The following ATP8B3 variants were observed in gnomAD, a reference collection of about 807,000 sequenced individuals.
ATP8B3 encodes phospholipid-transporting ATPase IK.
Under a neutral mutation model 140.9 loss-of-function variants are expected in ATP8B3, and 141 were observed. That is an observed-to-expected ratio of 1.00 (90% CI 0.87 to 1.15). The LOEUF is 1.15. Among genes scored for constraint, ATP8B3 ranks in the 50% most tolerant of loss-of-function variants. The pLI, the probability that ATP8B3 is intolerant of heterozygous loss-of-function variation, is 0.00. For synonymous variants in ATP8B3, 765 were observed against 714.6 expected (o/e 1.07, Z -1.13); for missense variants, 1,874 against 1,740.6 (o/e 1.08, Z -1.36).
intron 23 of ATP8B3, 82 bp from the exon 24 acceptor site, chr19:1,789,202 C>G: frequency 1.2e-6 from 1 of 812,830 alleles, no homozygotes; most frequent in East Asian, 3.5e-5. Flanking sequence ...TGTTCTGCCC[C>G]CTATCAGCCC....
chr19:1,789,863 C>G (rs1304025328), intron 22 of ATP8B3, 27 bp downstream of exon 22: 1 of 1,609,052 alleles, frequency 6.2e-7, no homozygotes, highest in Non-Finnish European at 8.5e-7. Context: ...CGCCGGGACC[C>G]CGCCGTCCAC....
chr19:1,789,565 G>C lies in ATP8B3; in HGVS notation c.2641C>G (p.Pro881Ala). ...CGGCGGGCTCTGGAGTCCTGGGCTG[G>C]CGGTGCAGCCAGCGGGAGCCCGAAC... ...RRFGLPLAAPPAQDSRARRSS... is the reference protein window; with the variant it reads ...RRFGLPLAAPAAQDSRARRSS... The change falls in exon 23 of 29, where the codon CCA (proline) becomes GCA (alanine). Residue 881 changes from proline (P) to alanine (A), a missense_variant. Pro to Ala is a conservative substitution (Grantham distance 27, BLOSUM62 -1). Coordinates refer to ENST00000310127, the MANE Select transcript of ATP8B3 (RefSeq NM_138813.4). 6.3e-7 allele frequency: 1 copy of C among 1,594,824 alleles called. No individual in the cohort carries two copies. The highest frequency in any genetic ancestry group is 1.1e-5 in the South Asian group (1 of 89,944).
intron 10 of ATP8B3, among the ~76,000 whole-genome samples, chr19:1,804,616 A>G (rs7409378): frequency 0.01 from 1,516 of 151,462 alleles, 51 homozygotes; most frequent in East Asian, 0.058. Flanking sequence ...TCAAAAAAAA[A>G]AAAGAAAAAA....
chr19:1,787,240 A>G, intron 24 of ATP8B3, 54 bp from the exon 25 acceptor site: 3 of 1,468,786 alleles, frequency 2.0e-6, no homozygotes, highest in South Asian at 1.2e-5. Context: ...GCACCCAAGG[A>G]GCCTGCCAAG....
chr19:1,785,811 T>A (rs1054796397), intron 25 of ATP8B3, 103 bp from the exon 26 acceptor site: 33 of 1,267,956 alleles, frequency 2.6e-5, no homozygotes, highest in Non-Finnish European at 3.3e-5. Flanking sequence ...ACTCTCTGTG[T>A]GTGGCTCTTT....
intron 11 of ATP8B3, 84 bp from the exon 12 acceptor site, chr19:1,802,128 C>G: frequency 1.1e-6 from 1 of 949,586 alleles, no homozygotes; most frequent in Non-Finnish European, 1.5e-6. Context: ...CACCCACTCC[C>G]CCACTCATCC....
rs753740916 is a variant in ATP8B3 at position 1,789,999 on chromosome 19, G to A, written c.2379-10C>T. 1 of 1,601,204 alleles carries A rather than the reference G, an allele frequency of 6.2e-7. No individual in the cohort carries two copies. Among genetic ancestry groups the A allele is most frequent in the Non-Finnish European group, 8.5e-7 (1 of 1,170,680 alleles). ...GGTCTCCAGGATGCGGCTGCGGGGC[G>A]CAGGGGTCAGCGGGGCAGGGGAGGG... On this transcript the variant is annotated splice_polypyrimidine_tract_variant and intron_variant, in intron 21 of 28. Transcript: ENST00000310127.
Position 1,804,894 on chromosome 19 carries a change from C to T in ATP8B3, c.904+480G>A, listed in dbSNP as rs115004759. 6.2e-3 allele frequency among the ~76,000 whole-genome samples: 949 copies of T among 152,360 alleles called. 13 individuals are homozygous for T. The highest frequency in any genetic ancestry group is 0.022 in the African/African-American group (894 of 41,576). On this transcript the variant is annotated intron_variant, in intron 10 of 28. Coordinates refer to ENST00000310127, the MANE Select transcript of ATP8B3 (RefSeq NM_138813.4). ...GCCTTCCCACCACAGGAATTGCCAG[C>T]CCATGCACGCAGGTGCCTTTTCAAT...
chr19:1,806,928 C>T lies in ATP8B3; in HGVS notation c.616-239G>A, dbSNP rs578055637. On this transcript the variant is annotated intron_variant, in intron 6 of 28. Transcript: ENST00000310127. This position sits in a 1 kb window ranked among gnomAD's most constrained non-coding sequence, Gnocchi z 5.6. ...CTAGAGTGCCTGCCAGACCACCCCC[C>T]ACCAAAGCTCAATGGCCCCAAAACC... Among the ~76,000 whole-genome samples, 15 of 152,268 alleles carry T rather than the reference C, an allele frequency of 9.9e-5. No individual in the cohort carries two copies. The East Asian group carries it at 2.9e-3, about 29-fold the overall frequency.
intron 19 of ATP8B3, 64 bp from the exon 20 acceptor site, chr19:1,791,925 C>T (rs756922443): frequency 4.1e-5 from 66 of 1,595,880 alleles, no homozygotes; most frequent in Non-Finnish European, 5.1e-5. Context: ...CTGGCGGGGG[C>T]AGGAGAGTCC....
intron 14 of ATP8B3, chr19:1,799,465 GAA>G (rs532925512): frequency 3.9e-3 from 551 of 143,106 alleles, no homozygotes; most frequent in East Asian, 5.5e-3. Flanking sequence ...GTCTCAGAGA[GAA>G]AAAAAAAAAA....
chr19:1,810,511 G>C (rs1343718086), intron 3 of ATP8B3, 111 bp downstream of exon 3: 1 of 1,076,616 alleles, frequency 9.3e-7, no homozygotes, highest in African/African-American at 1.6e-5. Flanking sequence ...TGATCCACCC[G>C]CCTCAGCCTC....
rs1393918165 is a variant in ATP8B3, at chr19:1,791,625, T to G, written c.2302+125A>C. 3 of 704,986 alleles carry G rather than the reference T, an allele frequency of 4.3e-6. No homozygotes were observed. The African/African-American group carries it at 5.3e-5, about 13-fold the overall frequency. 43.7% of individuals were successfully genotyped at this position (704,986 alleles called of 1,614,324 possible). A position where few individuals can be genotyped will look rare whatever the true frequency, so the allele number is the denominator to read the frequency against. On this transcript the variant is annotated intron_variant, in intron 20 of 28. Coordinates refer to ENST00000310127, the MANE Select transcript of ATP8B3 (RefSeq NM_138813.4). ...CCCTGCTGGTCTCGAACTTCTGACC[T>G]CAAGTGATCCGCCCGCCTCGGCCTC...
chr19:1,800,787 C>T lies in ATP8B3; in HGVS notation c.1153-338G>A, dbSNP rs2068823299. Among the ~76,000 whole-genome samples, 1 of 152,158 alleles carries T rather than the reference C, an allele frequency of 6.6e-6. No homozygotes were observed. Among genetic ancestry groups the T allele is most frequent in the African/African-American group, 2.4e-5 (1 of 41,534 alleles). ...GAGATATCATGGCGCCACTGCACTC[C>T]ATCCTGGGCAATAGAGTGAGATAGA... On this transcript the variant is annotated intron_variant, in intron 12 of 28. Coordinates refer to ENST00000310127, the MANE Select transcript of ATP8B3 (RefSeq NM_138813.4). This position sits in a 1 kb window ranked among gnomAD's most constrained non-coding sequence, Gnocchi z 4.4.
chr19:1,793,121 C>G (rs2068566854), intron 18 of ATP8B3, among the ~76,000 whole-genome samples: 1 of 148,542 alleles, frequency 6.7e-6, no homozygotes, highest in Non-Finnish European at 1.5e-5. Context: ...GATAGGGTCT[C>G]ACTTTGTCAC....
Position 1,789,688 on chromosome 19 carries a change from G to A in ATP8B3, c.2518C>T (p.Leu840=). 6.3e-7 allele frequency: 1 copy of A among 1,593,108 alleles called. No individual in the cohort carries two copies. The highest frequency in any genetic ancestry group is 2.2e-5 in the East Asian group (1 of 44,604). Residue 840 remains leucine, a synonymous_variant, in exon 23 of 29, where the codon CTG becomes TTG. Transcript: ENST00000310127. ...LVSLRKEPRA[L]AQNVNMDEAW... ...TCGTCCATGTTCACGTTCTGCGCCA[G>A]GGCGCGCGGCTCCTTCCGCAGGGAC...
chr19:1,800,452 G>A lies in ATP8B3; in HGVS notation c.1153-3C>T, dbSNP rs777197230. The stretch of plus-strand genomic sequence containing the variant: ...ACAAGCACCACGGAGATGAAGATCT[G>A]GAAGGCAGACGCGACAGGGTGGGTG... On this transcript the variant is annotated splice_region_variant and splice_polypyrimidine_tract_variant and intron_variant, in intron 12 of 28. Transcript: ENST00000310127. This position sits in a 1 kb window ranked among gnomAD's most constrained non-coding sequence, Gnocchi z 4.4. The A allele has an allele frequency of 6.2e-7, 1 of 1,611,366 alleles. No individual in the cohort carries two copies.
intron 14 of ATP8B3, chr19:1,799,435 G>C (rs1233946563): frequency 5.6e-6 from 1 of 178,950 alleles, no homozygotes; most frequent in Admixed American, 6.2e-5. Flanking sequence ...CTCCAGCCTG[G>C]GCAACGAGAG....
At chr19:1,802,169 CATCA>C in intron 11 of ATP8B3, 125 bp from the exon 12 acceptor site, 1 of 593,452 alleles carries the variant, frequency 1.7e-6, no homozygotes, top group Non-Finnish European at 2.8e-6. Context: ...CTCACCCACC[CATCA>C]CTCACCCATC....
Sources: allele counts gnomAD v4.1 joint callset (sites outside exome capture counted in the v4.1 genomes callset), GRCh38; gene constraint gnomAD v4.1.1; non-coding constraint Gnocchi (gnomAD v3.1); transcripts MANE v1.5; gene names NCBI Gene and HGNC (gene_info 2026-07-23, HGNC 2026-07-21).